The following CLIP4 variants were observed in gnomAD, a reference collection of about 807,000 sequenced individuals.
CLIP4 encodes CAP-Gly domain-containing linker protein 4.
CLIP4 carries 47 observed loss-of-function variants against 73.1 expected under a neutral mutation model. That is an observed-to-expected ratio of 0.64 (90% confidence interval 0.51 to 0.82). The LOEUF (loss-of-function observed/expected upper bound fraction) is 0.82, where lower values mean the gene tolerates loss of function less well. CLIP4 is among the 40% of genes least tolerant of loss of function. The pLI is 0.00. For missense variants in CLIP4, 874 were observed against 852.9 expected, an observed-to-expected ratio of 1.02 and a Z score of -0.31; for synonymous variants, 306 against 295.4, an observed-to-expected ratio of 1.04 and a Z score of -0.37.
intron 14 of CLIP4, among the ~76,000 whole-genome samples, chr2:29,173,447 C>G (rs1165179685): frequency 1.3e-5 from 2 of 152,164 alleles, no homozygotes; most frequent in African/African-American, 4.8e-5. Context: ...TTTGGAGGCC[C>G]TGGGCTTTAT....
intron 15 of CLIP4, among the ~76,000 whole-genome samples, chr2:29,175,922 C>T (rs2339376): frequency 0.34 from 52,228 of 151,870 alleles, 10,438 homozygotes; most frequent in Non-Finnish European, 0.47. Flanking sequence ...CCACCACACC[C>T]GGCTAATTTT....
At chr2:29,112,851 C>T (rs1668417564), upstream of CLIP4, among the ~76,000 whole-genome samples, 1 of 152,242 alleles carries the variant, frequency 6.6e-6, no homozygotes, top group South Asian at 2.1e-4. Context: ...GATGATATTC[C>T]ATCCCATATC....
chr2:29,139,408 GTC>G (rs1558538193), intron 6 of CLIP4, among the ~76,000 whole-genome samples: 1 of 152,020 alleles, frequency 6.6e-6, no homozygotes, highest in South Asian at 2.1e-4. Context: ...GGTTTTCTGT[GTC>G]TGTGTTTATC....
chr2:29,154,841 AC>A (rs1666813198), intron 9 of CLIP4, among the ~76,000 whole-genome samples: 1 of 152,138 alleles, frequency 6.6e-6, no homozygotes, highest in Non-Finnish European at 1.5e-5. Flanking sequence ...CGGAAGCGGA[AC>A]CCACATCAGA....
chr2:29,127,222 A>C (rs1293760309), intron 2 of CLIP4, among the ~76,000 whole-genome samples: 1 of 152,056 alleles, frequency 6.6e-6, no homozygotes, highest in Admixed American at 6.5e-5. Flanking sequence ...ATTCCTTAAA[A>C]CTGTCTGGTA....
chr2:29,125,147 C>T (rs2148471577), intron 2 of CLIP4, among the ~76,000 whole-genome samples: 1 of 152,302 alleles, frequency 6.6e-6, no homozygotes, highest in East Asian at 1.9e-4. Context: ...TTCCCTACTA[C>T]TGAGAATTCC....
intron 1 of CLIP4, among the ~76,000 whole-genome samples, chr2:29,104,143 G>A (rs1228105771): frequency 6.6e-6 from 1 of 152,142 alleles, no homozygotes; most frequent in African/African-American, 2.4e-5. Flanking sequence ...TGTTCTCTCA[G>A]CTAGACTATG....
intron 14 of CLIP4, among the ~76,000 whole-genome samples, chr2:29,168,290 G>A (rs1165004158): frequency 1.3e-5 from 2 of 152,086 alleles, no homozygotes; most frequent in Non-Finnish European, 2.9e-5. Flanking sequence ...ACCTGTTCAA[G>A]TTTCTTGCCC....
intron 1 of CLIP4, among the ~76,000 whole-genome samples, chr2:29,109,893 A>G (rs1231221995): frequency 6.6e-6 from 1 of 152,106 alleles, no homozygotes; most frequent in Non-Finnish European, 1.5e-5. Context: ...CCCCGTCTCT[A>G]CTAAAAATAC....
chr2:29,102,190 G>A (rs78198549), intron 1 of CLIP4, among the ~76,000 whole-genome samples: 4,024 of 152,140 alleles, frequency 0.026, 147 homozygotes, highest in East Asian at 0.09. Flanking sequence ...CTCACTACTA[G>A]GGGAAGAGCA....
chr2:29,122,920 A>G (rs1418795687), intron 2 of CLIP4, among the ~76,000 whole-genome samples: 1 of 150,978 alleles, frequency 6.6e-6, no homozygotes, highest in Non-Finnish European at 1.5e-5. Flanking sequence ...CTCCCTGTGT[A>G]GACATCATAT....
At chr2:29,162,171 T>C (rs1206492638) in intron 12 of CLIP4, among the ~76,000 whole-genome samples, 2 of 152,246 alleles carry the variant, frequency 1.3e-5, no homozygotes, top group South Asian at 2.1e-4. Context: ...ATTCTTTGGA[T>C]ATAATTCTTC....
chr2:29,160,560 C>G (rs907755942), intron 12 of CLIP4, 93 bp downstream of exon 12: 20 of 1,425,910 alleles, frequency 1.4e-5, no homozygotes, highest in Non-Finnish European at 1.7e-5. Context: ...GTAGAGAAAT[C>G]TTGATGAACA....
chr2:29,126,752 C>G (rs147925508), intron 2 of CLIP4, among the ~76,000 whole-genome samples: 39 of 152,294 alleles, frequency 2.6e-4, no homozygotes, highest in African/African-American at 8.9e-4. Context: ...CCCACAGAAA[C>G]AGGCACAAAG....
chr2:29,146,525 C>G (rs1271965002), intron 8 of CLIP4, among the ~76,000 whole-genome samples: 1 of 152,210 alleles, frequency 6.6e-6, no homozygotes, highest in Non-Finnish European at 1.5e-5. Flanking sequence ...CTCACACACA[C>G]CTATCCTGTC....
intron 2 of CLIP4, among the ~76,000 whole-genome samples, chr2:29,130,256 A>G (rs1407655914): frequency 1.3e-5 from 2 of 152,212 alleles, no homozygotes; most frequent in Admixed American, 1.3e-4. Context: ...AAACTGTCAA[A>G]AGAAAATTCA....
intron 2 of CLIP4, among the ~76,000 whole-genome samples, chr2:29,126,163 C>A (rs542699599): frequency 6.6e-6 from 1 of 152,118 alleles, no homozygotes; most frequent in South Asian, 2.1e-4. Flanking sequence ...CCAGCCTGGG[C>A]GAGAGAGTGA....
chr2:29,164,325 GCA>G (rs571860777), intron 13 of CLIP4, among the ~76,000 whole-genome samples: 8 of 152,284 alleles, frequency 5.3e-5, no homozygotes, highest in African/African-American at 1.7e-4. Flanking sequence ...CTGCCAGCAG[GCA>G]CCCCATTCAT....
chr2:29,151,645 C>T (rs1409914162), intron 8 of CLIP4, among the ~76,000 whole-genome samples: 2 of 152,144 alleles, frequency 1.3e-5, no homozygotes, highest in Non-Finnish European at 2.9e-5. Context: ...AAAGCACTCA[C>T]TTCTTACAGA....
Sources: gnomAD v4.1 joint callset for allele counts (sites outside exome capture counted in the v4.1 genomes callset) on GRCh38, gnomAD v4.1.1 for gene constraint, MANE v1.5 for transcripts, NCBI Gene and HGNC (gene_info 2026-07-23, HGNC 2026-07-21) for gene names.